The following ZNF85 variants were observed in gnomAD, a reference collection of about 807,000 sequenced individuals.
The protein encoded by ZNF85 is zinc finger protein 85, also known as zinc finger protein 85 (HPF4, HTF1).
In ZNF85, 50 loss-of-function variants were observed where a neutral mutation model predicts 53.9. The observed-to-expected ratio is 0.93, with a 90% CI of 0.74 to 1.17. The LOEUF (loss-of-function observed/expected upper bound fraction) is 1.17. ZNF85 is among the 50% of genes most tolerant of loss of function. The pLI is 0.00. For synonymous variants in ZNF85, 225 were observed against 226.1 expected, an observed-to-expected ratio of 1.00 and a Z score of 0.04; for missense variants, 747 against 688.5, an observed-to-expected ratio of 1.08 and a Z score of -0.95.
chr19:20,933,014 T>G (rs1480905381), intron 1 of ZNF85, among the ~76,000 whole-genome samples: 2 of 147,352 alleles, frequency 1.4e-5, no homozygotes, highest in Non-Finnish European at 3.0e-5. Context: ...TGAAACCCCG[T>G]CTCTACTAAA....
intron 3 of ZNF85, among the ~76,000 whole-genome samples, chr19:20,938,991 A>G (rs563755454): frequency 2.6e-4 from 39 of 152,028 alleles, no homozygotes; most frequent in Non-Finnish European, 5.0e-4. Context: ...TTTAAAACAA[A>G]ATTTATCTCG....
chr19:20,932,410 C>G (rs1345795202), intron 1 of ZNF85, among the ~76,000 whole-genome samples: 6 of 152,074 alleles, frequency 3.9e-5, no homozygotes. Context: ...TACCAGAGCC[C>G]TTTCTACATT....
At chr19:20,948,717 G>T (rs756887484) in intron 3 of ZNF85, 27 bp from the exon 4 acceptor site, 1 of 1,467,602 alleles carries the variant, frequency 6.8e-7, no homozygotes, top group South Asian at 1.5e-5. Context: ...AGCAAGTGGA[G>T]TAATTTGTCA....
intron 3 of ZNF85, among the ~76,000 whole-genome samples, chr19:20,948,065 G>T (rs1973466376): frequency 2.6e-5 from 4 of 151,972 alleles, no homozygotes; most frequent in Admixed American, 2.6e-4. Flanking sequence ...CTTTGTCTTG[G>T]CATATCTGAA....
Position 20,934,939 on chromosome 19 carries a change from A to G in ZNF85, c.131-10A>G. ...AGCAAGATTTATATTATTTATTTTT[A>G]ATAAAACAGGTATTACTGTTTCTAA... is the stretch of plus-strand genomic sequence containing the variant. On this transcript the variant is annotated splice_polypyrimidine_tract_variant and intron_variant, in intron 2 of 3. Coordinates refer to ENST00000328178, the MANE Select transcript of ZNF85 (RefSeq NM_003429.5). The G allele has an allele frequency of 6.3e-7, 1 of 1,583,398 alleles. No homozygotes were observed. Among genetic ancestry groups the G allele is most frequent in the South Asian group, 1.1e-5 (1 of 87,532 alleles).
At chr19:20,932,528 A>T (rs1402625430) in intron 1 of ZNF85, among the ~76,000 whole-genome samples, 2 of 152,182 alleles carry the variant, frequency 1.3e-5, no homozygotes, top group African/African-American at 4.8e-5. Context: ...AAAGGTGTGG[A>T]TACTCAAGAT....
intron 3 of ZNF85, chr19:20,937,486 A>G (rs1182116787): frequency 5.4e-6 from 2 of 370,822 alleles, no homozygotes; most frequent in Non-Finnish European, 1.1e-5. Flanking sequence ...TTGGTTTGTT[A>G]TAAGAGGCTT....
At position 20,950,043 on chromosome 19, in the gene ZNF85, A is replaced by G; in HGVS notation, c.1529A>G (p.Tyr510Cys). 1.2e-6 allele frequency: 2 copies of G among 1,613,154 alleles called. No homozygotes were observed. Among genetic ancestry groups the G allele is most frequent in the Non-Finnish European group, 1.7e-6 (2 of 1,179,770 alleles). Residue 510 changes from tyrosine to cysteine, a missense_variant, in exon 4 of 4, where the codon TAC becomes TGC. By Grantham distance (194) the Tyr-to-Cys change is radical. Transcript: ENST00000328178. ...HKIIHTGEKP[Y>C]KCEECGKAFN... ...ATAATTCATACTGGAGAGAAACCAT[A>G]CAAATGTGAAGAATGTGGCAAAGCT...
chr19:20,949,797 G>A lies in ZNF85; in HGVS notation c.1283G>A (p.Cys428Tyr). Reference sequence around the variant, plus strand: ...CATACTGGAGAGAAGCCTTACAAATGTAAAGAATGTGAAAAAGCTTTTAAC... The same window carrying A: ...CATACTGGAGAGAAGCCTTACAAATATAAAGAATGTGAAAAAGCTTTTAAC... The part of the protein sequence containing the change: ...IIHTGEKPYK[C>Y]KECEKAFNQS... The change falls in exon 4 of 4, where the codon TGT becomes TAT. Residue 428 changes from cysteine to tyrosine, a missense_variant. Coordinates refer to ENST00000328178, the MANE Select transcript of ZNF85 (RefSeq NM_003429.5). The A allele has an allele frequency of 6.2e-7, 1 of 1,611,772 alleles. No homozygotes were observed. Among genetic ancestry groups the A allele is most frequent in the Non-Finnish European group, 8.5e-7 (1 of 1,178,878 alleles).
chr19:20,936,280 G>C (rs1256755320), intron 3 of ZNF85, among the ~76,000 whole-genome samples: 2 of 150,496 alleles, frequency 1.3e-5, no homozygotes, highest in African/African-American at 2.4e-5. Flanking sequence ...AATTTCAATG[G>C]CTTTAAAACA....
At chr19:20,930,500 AG>A (rs1253474805) in intron 1 of ZNF85, among the ~76,000 whole-genome samples, 1 of 152,116 alleles carries the variant, frequency 6.6e-6, no homozygotes, top group Non-Finnish European at 1.5e-5. Context: ...AGAAATGGAA[AG>A]GCAGGGCTCT....
chr19:20,925,809 G>A (rs1972868091), intron 1 of ZNF85, among the ~76,000 whole-genome samples: 1 of 152,088 alleles, frequency 6.6e-6, no homozygotes, highest in African/African-American at 2.4e-5. Context: ...GTCCCTCTGT[G>A]GGTTTGTCAC....
intron 1 of ZNF85, among the ~76,000 whole-genome samples, chr19:20,929,424 T>G (rs1330864306): frequency 6.6e-6 from 1 of 152,106 alleles, no homozygotes; most frequent in South Asian, 2.1e-4. Flanking sequence ...CCTGACCTTG[T>G]GATCCCACCT....
chr19:20,948,503 T>C (rs1973475472), intron 3 of ZNF85, among the ~76,000 whole-genome samples: 1 of 152,002 alleles, frequency 6.6e-6, no homozygotes, highest in Admixed American at 6.6e-5. Flanking sequence ...CCTATGTGGC[T>C]CTTTGCATTA....
In ZNF85 at chr19:20,933,975, G is replaced by C. The variant is rs749401347; in HGVS notation, c.4-49G>C. 7.2e-6 allele frequency: 8 copies of C among 1,112,950 alleles called. No individual in the cohort carries two copies. In the African/African-American group the frequency reaches 1.4e-4, roughly 19 times the overall value. 68.9% of individuals were successfully genotyped at this position (1,112,950 alleles called of 1,614,324 possible). ...GGTAATTATGTGTGTGTGTGTGTGT[G>C]TGTGTGTGTGTGTGTGTGTGTGTAT... On this transcript the variant is annotated intron_variant, in intron 1 of 3. Coordinates refer to ENST00000328178, the MANE Select transcript of ZNF85 (RefSeq NM_003429.5).
In ZNF85 at chr19:20,949,774, T is replaced by C; in HGVS notation, c.1260T>C (p.His420=). 1 of 1,611,964 alleles carries C rather than the reference T, an allele frequency of 6.2e-7. No individual in the cohort carries two copies. The highest frequency in any genetic ancestry group is 8.5e-7 in the Non-Finnish European group (1 of 1,179,064). Residue 420 remains histidine (H), a synonymous_variant, in exon 4 of 4, where the codon CAT becomes CAC. Transcript: ENST00000328178. ...SSTLTKHKII[H]TGEKPYKCKE... ...CCCTTACTAAACATAAGATAATTCA[T>C]ACTGGAGAGAAGCCTTACAAATGTA...
At chr19:20,923,430 AG>A in intron 1 of ZNF85, 27 bp downstream of exon 1, 1 of 1,613,694 alleles carries the variant, frequency 6.2e-7, no homozygotes, top group East Asian at 2.2e-5. Context: ...CGCCATCCCG[AG>A]GGGGAAAGGG....
Position 20,949,414 on chromosome 19 carries a change from C to T in ZNF85, c.900C>T (p.Thr300=), listed in dbSNP as rs752037770. 89 of 1,609,070 alleles carry T rather than the reference C, an allele frequency of 5.5e-5. No individual in the cohort carries two copies. The highest frequency in any genetic ancestry group is 7.4e-5 in the Non-Finnish European group (87 of 1,176,894). The change falls in exon 4 of 4, where the codon ACC becomes ACT. Residue 300 remains threonine, a synonymous_variant. Coordinates refer to ENST00000328178, the MANE Select transcript of ZNF85 (RefSeq NM_003429.5). The part of the protein sequence containing the change: ...ECGKAFNRSS[T]LTTHRKIHTG... ...GTAAAGCTTTTAACCGATCTTCAAC[C>T]CTTACTACCCATAGAAAAATTCATA...
Position 20,949,831 on chromosome 19 carries a change from A to C in ZNF85, c.1317A>C (p.Ser439=), listed in dbSNP as rs749723186. ...GTGAAAAAGCTTTTAACCAATCCTCAAAACTTACTGAACATAAGAAAATTC... is the reference window on the plus strand; with the variant it reads ...GTGAAAAAGCTTTTAACCAATCCTCCAAACTTACTGAACATAAGAAAATTC... The part of the protein sequence containing the change: ...KECEKAFNQS[S]KLTEHKKIHT... The change falls in exon 4 of 4, where the codon TCA becomes TCC. Residue 439 remains serine (S), a synonymous_variant. Coordinates refer to ENST00000328178, the MANE Select transcript of ZNF85 (RefSeq NM_003429.5). 5.1e-5 allele frequency: 82 copies of C among 1,612,458 alleles called. No homozygotes were observed. Among genetic ancestry groups the C allele is most frequent in the Non-Finnish European group, 6.8e-5 (80 of 1,179,246 alleles).
Sources: gnomAD v4.1 joint callset for allele counts (sites outside exome capture counted in the v4.1 genomes callset) on GRCh38, gnomAD v4.1.1 for gene constraint, MANE v1.5 for transcripts, NCBI Gene and HGNC (gene_info 2026-07-23, HGNC 2026-07-21) for gene names.